Variants in ROBO1 observed in about 807,000 individuals in gnomAD.
ROBO1 encodes the protein roundabout homolog 1.
ROBO1 carries 149 observed loss-of-function variants against 195.9 expected under a neutral mutation model. The observed-to-expected ratio is 0.76, with a 90% CI of 0.67 to 0.87. The LOEUF (loss-of-function observed/expected upper bound fraction) is 0.87, where lower values mean the gene tolerates loss of function less well. Among genes scored for constraint, ROBO1 ranks in the 40% least tolerant of loss-of-function variants. The pLI is 0.00. For missense variants in ROBO1, 1,933 were observed against 2,068.3 expected (o/e 0.93, Z 1.27); for synonymous variants, 816 against 733.2 (o/e 1.11, Z -1.82).
intron 2 of ROBO1, among the ~76,000 whole-genome samples, chr3:79,412,585 T>C (rs1436533422): frequency 6.6e-6 from 1 of 152,136 alleles, no homozygotes; most frequent in Non-Finnish European, 1.5e-5. Context: ...ATTAGATGTA[T>C]AAATATCTGC....
intron 2 of ROBO1, among the ~76,000 whole-genome samples, chr3:79,542,587 T>C (rs995442229): frequency 1.3e-5 from 2 of 152,074 alleles, no homozygotes; most frequent in Non-Finnish European, 2.9e-5. Flanking sequence ...ACAGTAGTAA[T>C]AGAAATGCAT....
At chr3:79,578,057 A>C (rs76854745) in intron 2 of ROBO1, among the ~76,000 whole-genome samples, 1 of 147,582 alleles carries the variant, frequency 6.8e-6, no homozygotes, top group South Asian at 2.2e-4. Context: ...AAACTTAATA[A>C]TATTATATAC....
intron 2 of ROBO1, among the ~76,000 whole-genome samples, chr3:79,538,638 T>A (rs1442089723): frequency 6.6e-6 from 1 of 152,124 alleles, no homozygotes; most frequent in Admixed American, 6.6e-5. Context: ...TACTAAATGT[T>A]TATTTGATAG....
chr3:79,648,341 C>T (rs1945896191), intron 1 of ROBO1, among the ~76,000 whole-genome samples: 1 of 151,938 alleles, frequency 6.6e-6, no homozygotes, highest in Non-Finnish European at 1.5e-5. Context: ...GCAGTAAAAC[C>T]GTTGGGAATC....
intron 8 of ROBO1, among the ~76,000 whole-genome samples, chr3:78,704,976 C>T (rs2107969642): frequency 6.6e-6 from 1 of 152,258 alleles, no homozygotes; most frequent in Admixed American, 6.5e-5. Context: ...GCCTGCTGAT[C>T]CATTTTTTCC....
At chr3:79,433,719 T>C (rs2038773923) in intron 2 of ROBO1, among the ~76,000 whole-genome samples, 1 of 151,940 alleles carries the variant, frequency 6.6e-6, no homozygotes, top group African/African-American at 2.4e-5. Context: ...TTCATGTGGA[T>C]CCAAAAAAGA....
At position 78,855,772 on chromosome 3, in the gene ROBO1, G is replaced by GA. The variant is rs777729747; in HGVS notation, c.499+82828dup. On this transcript the variant is annotated intron_variant, in intron 4 of 30. Transcript: ENST00000464233. ...CGTCTGTTTTAAAGATCATTAAACA[G>GA]AAAAAAAAATTGCTTTAAAAAATCC... 1.1e-3 allele frequency among the ~76,000 whole-genome samples: 161 copies of GA among 150,106 alleles called. 2 individuals are homozygous for GA. Among genetic ancestry groups the GA allele is most frequent in the Admixed American group, 2.1e-3 (32 of 15,046 alleles).
chr3:79,452,458 A>G (rs1356833595), intron 2 of ROBO1, among the ~76,000 whole-genome samples: 1 of 152,034 alleles, frequency 6.6e-6, no homozygotes, highest in Non-Finnish European at 1.5e-5. Context: ...CTCCAATAGA[A>G]CGTATATTGG....
chr3:79,655,714 T>C (rs1476775398), intron 1 of ROBO1, among the ~76,000 whole-genome samples: 1 of 152,014 alleles, frequency 6.6e-6, no homozygotes, highest in Non-Finnish European at 1.5e-5. Flanking sequence ...ACACTCAAAA[T>C]ATAAGTGTTG....
At chr3:79,003,119 A>G (rs931997139) in intron 3 of ROBO1, among the ~76,000 whole-genome samples, 1 of 152,124 alleles carries the variant, frequency 6.6e-6, no homozygotes, top group East Asian at 1.9e-4. Flanking sequence ...ATAGCCTCTA[A>G]TTGTTGGCAT....
Position 78,751,134 on chromosome 3 carries a change from C to T in ROBO1, c.500-4234G>A, listed in dbSNP as rs576188714. Among the ~76,000 whole-genome samples, 11 of 152,276 alleles carry T rather than the reference C, an allele frequency of 7.2e-5. No homozygotes were observed. The South Asian group carries it at 2.3e-3, about 32-fold the overall frequency. ...AAGTGCTCAAGTGAAATTTGAACAACTCATTGTGAATATTTGTGAACTACA... is the reference window on the plus strand; with the variant it reads ...AAGTGCTCAAGTGAAATTTGAACAATTCATTGTGAATATTTGTGAACTACA... On this transcript the variant is annotated intron_variant, in intron 4 of 30. Transcript: ENST00000464233.
intron 4 of ROBO1, among the ~76,000 whole-genome samples, chr3:78,860,398 A>G (rs1215692381): frequency 6.7e-6 from 1 of 148,682 alleles, no homozygotes; most frequent in Non-Finnish European, 1.5e-5. Flanking sequence ...GAATCAAATG[A>G]TGTCCCTAAT....
chr3:78,950,211 C>T (rs368047945), intron 3 of ROBO1, among the ~76,000 whole-genome samples: 1 of 152,008 alleles, frequency 6.6e-6, no homozygotes. Flanking sequence ...CACATGCACA[C>T]GTATGTTTAC....
chr3:79,133,686 T>C (rs1205969102), intron 2 of ROBO1, among the ~76,000 whole-genome samples: 1 of 100,628 alleles, frequency 9.9e-6, no homozygotes, highest in Non-Finnish European at 2.0e-5. Context: ...TCTCAGCTCG[T>C]CAAAATCATT....
intron 5 of ROBO1, among the ~76,000 whole-genome samples, chr3:78,731,734 C>G (rs910307688): frequency 1.3e-5 from 2 of 152,032 alleles, no homozygotes; most frequent in Non-Finnish European, 2.9e-5. Context: ...ACTAAAATAA[C>G]AAATGTATTT....
intron 3 of ROBO1, among the ~76,000 whole-genome samples, chr3:79,077,909 ATTCTTACAGTTT>A (rs1159724516): frequency 6.6e-6 from 1 of 151,856 alleles, no homozygotes; most frequent in Admixed American, 6.6e-5. Flanking sequence ...GAAGAACTAT[ATTCTTACAGTTT>A]AGTGTATGAC....
chr3:78,927,505 G>A (rs1235711301), intron 4 of ROBO1, among the ~76,000 whole-genome samples: 1 of 152,136 alleles, frequency 6.6e-6, no homozygotes, highest in African/African-American at 2.4e-5. Context: ...TCCCTTACTC[G>A]TGTATCATAT....
At chr3:79,660,365 T>C (rs534617766) in intron 1 of ROBO1, among the ~76,000 whole-genome samples, 21 of 152,228 alleles carry the variant, frequency 1.4e-4, no homozygotes, top group Admixed American at 1.1e-3. Flanking sequence ...GAGACATTTA[T>C]ACAAGGCTAT....
chr3:79,528,542 C>T, intron 2 of ROBO1, among the ~76,000 whole-genome samples: 1 of 152,182 alleles, frequency 6.6e-6, no homozygotes, highest in Non-Finnish European at 1.5e-5. Context: ...ACCCTTCAAT[C>T]TCACCACTGA....
Sources: allele counts gnomAD v4.1 joint callset (sites outside exome capture counted in the v4.1 genomes callset), GRCh38; gene constraint gnomAD v4.1.1; transcripts MANE v1.5; gene names NCBI Gene and HGNC (gene_info 2026-07-23, HGNC 2026-07-21).